CHMP2B: variants seen among roughly 807,000 people sequenced by gnomAD.
CHMP2B encodes the protein charged multivesicular body protein 2B, also known as VPS2 homolog B.
A neutral mutation model predicts 29.8 loss-of-function variants in CHMP2B; 22 were observed. The ratio of observed to expected loss-of-function variants is 0.74; its 90% CI spans 0.53 to 1.05. The LOEUF (loss-of-function observed/expected upper bound fraction) is 1.05, where lower values mean the gene tolerates loss of function less well. Ranked by LOEUF, CHMP2B falls within the 50% of genes least tolerant of loss-of-function variation. The pLI is 0.00. For missense variants in CHMP2B, 261 were observed against 252.2 expected, an observed-to-expected ratio of 1.03 and a Z score of -0.24; for synonymous variants, 78 against 75.8, an observed-to-expected ratio of 1.03 and a Z score of -0.15.
Position 87,249,977 on chromosome 3 carries a change from A to C in CHMP2B, c.424A>C (p.Ile142Leu). Residue 142 changes from isoleucine to leucine, a missense_variant and splice_region_variant, in exon 4 of 6, where the codon ATC becomes CTC. Coordinates refer to ENST00000263780, the MANE Select transcript of CHMP2B (RefSeq NM_014043.4). ...GAAAATGGAAATGACTGAAGAAATG[A>C]GTAAGTTTAATAAATTATAATGAAA... ...NMKMEMTEEM[I>L]NDTLDDIFDG... is the part of the protein sequence containing the mutation. 7 of 1,502,302 alleles carry C rather than the reference A, an allele frequency of 4.7e-6. No homozygotes were observed. Among genetic ancestry groups the C allele is most frequent in the Non-Finnish European group, 6.5e-6 (7 of 1,082,544 alleles). The allele number at this position is 1,502,302 out of a possible 1,614,324, so 93.1% of individuals were successfully genotyped here.
Position 87,232,735 on chromosome 3 carries a change from A to G in CHMP2B, c.34+5179A>G, listed in dbSNP as rs1045777213. 2.6e-5 allele frequency among the ~76,000 whole-genome samples: 4 copies of G among 152,236 alleles called. No individual in the cohort carries two copies. The East Asian group carries it at 7.7e-4, about 29-fold the overall frequency. ...CTGTGAGGCTTTTCTTCCAGGACAC[A>G]TTGCCTCTCATTCTCTCATTTATCT... On this transcript the variant is annotated intron_variant, in intron 1 of 5. Coordinates refer to ENST00000263780, the MANE Select transcript of CHMP2B (RefSeq NM_014043.4).
At chr3:87,246,164 G>T (rs1706209613) in intron 3 of CHMP2B, among the ~76,000 whole-genome samples, 1 of 151,260 alleles carries the variant, frequency 6.6e-6, no homozygotes, top group Non-Finnish European at 1.5e-5. Context: ...TTGAGATGGA[G>T]TCTTGCTCTG....
intron 3 of CHMP2B, among the ~76,000 whole-genome samples, chr3:87,246,905 T>G (rs1247792641): frequency 6.6e-6 from 1 of 152,236 alleles, no homozygotes; most frequent in African/African-American, 2.4e-5. Flanking sequence ...CATGCTAAGC[T>G]TTATGAACTG....
chr3:87,241,077 C>T (rs941930125), intron 2 of CHMP2B, among the ~76,000 whole-genome samples: 2 of 152,104 alleles, frequency 1.3e-5, no homozygotes, highest in African/African-American at 4.8e-5. Context: ...GACAGAACCA[C>T]CTTCTTAGTT....
intron 3 of CHMP2B, among the ~76,000 whole-genome samples, chr3:87,247,662 T>A (rs1706239208): frequency 1.3e-5 from 2 of 152,286 alleles, no homozygotes; most frequent in South Asian, 2.1e-4. Flanking sequence ...TAAATTTTAA[T>A]GAGTAGGTAA....
chr3:87,253,006 AAG>A (rs1243961697), intron 4 of CHMP2B: 2 of 183,406 alleles, frequency 1.1e-5, no homozygotes, highest in African/African-American at 2.4e-5. Context: ...TAGATATAAA[AAG>A]AGTAAATCGT....
chr3:87,240,293 AG>A (rs1164232144), intron 1 of CHMP2B: 1 of 152,638 alleles, frequency 6.6e-6, no homozygotes, highest in Non-Finnish European at 1.5e-5. Flanking sequence ...AGTAAATCTA[AG>A]GGTTTTTTTT....
intron 4 of CHMP2B, among the ~76,000 whole-genome samples, chr3:87,252,203 G>A (rs1559611150): frequency 6.6e-6 from 1 of 151,830 alleles, no homozygotes; most frequent in Non-Finnish European, 1.5e-5. Flanking sequence ...ACCCTGGTAG[G>A]AGCATTGCAT....
chr3:87,251,462 A>T (rs139033622), intron 4 of CHMP2B, among the ~76,000 whole-genome samples: 4 of 152,122 alleles, frequency 2.6e-5, no homozygotes, highest in African/African-American at 9.6e-5. Context: ...ACTTAATCAG[A>T]TATCTATAAT....
intron 1 of CHMP2B, among the ~76,000 whole-genome samples, chr3:87,232,565 T>G (rs1417041269): frequency 6.6e-6 from 1 of 152,186 alleles, no homozygotes; most frequent in Non-Finnish European, 1.5e-5. Flanking sequence ...TCTGAGCATT[T>G]TCTTAGAAAA....
chr3:87,253,889 T>G lies in CHMP2B; in HGVS notation c.*67T>G, dbSNP rs1575972723. On this transcript the variant is annotated 3_prime_UTR_variant, in exon 6 of 6. Transcript: ENST00000263780. ...GTATAAACCAAGCACAGTGCAGATTTCTTTTACAAAACACATGTATTTTGC... is the reference window on the plus strand; with the variant it reads ...GTATAAACCAAGCACAGTGCAGATTGCTTTTACAAAACACATGTATTTTGC... The G allele has an allele frequency of 5.0e-6, 6 of 1,194,490 alleles. No homozygotes were observed. The East Asian group carries it at 1.2e-4, about 24-fold the overall frequency. The allele number at this position is 1,194,490 out of a possible 1,614,324, so 74.0% of individuals were successfully genotyped here.
intron 2 of CHMP2B, among the ~76,000 whole-genome samples, chr3:87,244,767 C>T (rs932501443): frequency 1.3e-5 from 2 of 152,050 alleles, no homozygotes; most frequent in African/African-American, 2.4e-5. Context: ...TTTAGTGACA[C>T]TTGTAAATAA....
intron 1 of CHMP2B, among the ~76,000 whole-genome samples, chr3:87,234,283 G>A (rs1286231259): frequency 6.6e-6 from 1 of 152,064 alleles, no homozygotes; most frequent in Non-Finnish European, 1.5e-5. Context: ...TTTTTGTTTT[G>A]TTTTTATTTT....
intron 1 of CHMP2B, among the ~76,000 whole-genome samples, chr3:87,230,559 A>C (rs150963533): frequency 8.0e-4 from 122 of 152,308 alleles, no homozygotes; most frequent in African/African-American, 2.7e-3. Flanking sequence ...TCTTTCTGGA[A>C]CCAGACTTTT....
In CHMP2B at chr3:87,228,830, C is replaced by G. The variant is rs1705858381; in HGVS notation, c.34+1274C>G. Among the ~76,000 whole-genome samples, 5 of 150,954 alleles carry G rather than the reference C, an allele frequency of 3.3e-5. No individual in the cohort carries two copies. The South Asian group carries it at 1.0e-3, about 31-fold the overall frequency. On this transcript the variant is annotated intron_variant, in intron 1 of 5. Coordinates refer to ENST00000263780, the MANE Select transcript of CHMP2B (RefSeq NM_014043.4). ...TGATGTGAAATGGATTTTATGTGTG[C>G]TTTTCATGAGAATGCTGCTTAATCT...
At chr3:87,245,628 T>C (rs953962504) in intron 2 of CHMP2B, 86 bp from the exon 3 acceptor site, 4 of 1,071,810 alleles carry the variant, frequency 3.7e-6, no homozygotes, top group Non-Finnish European at 5.6e-6. Context: ...GGGTCTGTTA[T>C]GTGTATTAGA....
chr3:87,235,304 G>A (rs1705981934), intron 1 of CHMP2B, among the ~76,000 whole-genome samples: 1 of 152,034 alleles, frequency 6.6e-6, no homozygotes, highest in Non-Finnish European at 1.5e-5. Flanking sequence ...ATTAAATGTG[G>A]ATTTAATATA....
At chr3:87,239,719 G>C (rs1022144412) in intron 1 of CHMP2B, among the ~76,000 whole-genome samples, 1 of 151,996 alleles carries the variant, frequency 6.6e-6, no homozygotes, top group African/African-American at 2.4e-5. Flanking sequence ...TTCTTCAAAA[G>C]GTAGGTCTAA....
intron 2 of CHMP2B, 148 bp from the exon 3 acceptor site, chr3:87,245,566 T>G: frequency 1.5e-6 from 1 of 672,322 alleles, no homozygotes; most frequent in Non-Finnish European, 2.5e-6. Context: ...GATTTCTCTT[T>G]TGCTCTATGA....
Sources: allele counts gnomAD v4.1 joint callset (sites outside exome capture counted in the v4.1 genomes callset), GRCh38; gene constraint gnomAD v4.1.1; transcripts MANE v1.5; gene names NCBI Gene and HGNC (gene_info 2026-07-23, HGNC 2026-07-21).